Variants in KIT observed in about 807,000 individuals in gnomAD.
The protein encoded by KIT is KIT proto-oncogene, receptor tyrosine kinase.
Under a neutral mutation model 105.7 loss-of-function variants are expected in KIT, and 16 were observed. The ratio of observed to expected loss-of-function variants is 0.15; its 90% CI spans 0.10 to 0.23. The LOEUF (loss-of-function observed/expected upper bound fraction) is 0.23, where lower values mean the gene tolerates loss of function less well. Among genes scored for constraint, KIT ranks in the 10% least tolerant of loss-of-function variants. KIT has a pLI of 1.00. For synonymous variants in KIT, 438 were observed against 441.1 expected (o/e 0.99, Z 0.09); for missense variants, 858 against 1,213.8 (o/e 0.71, Z 4.36).
At chr4:54,658,641 T>G (rs1716998670) in intron 1 of KIT, among the ~76,000 whole-genome samples, 1 of 151,938 alleles carries the variant, frequency 6.6e-6, no homozygotes, top group African/African-American at 2.4e-5. Context: ...ACCGACCCGC[T>G]GCCGCCTCTG....
chr4:54,662,797 C>T (rs1171236664), intron 1 of KIT, among the ~76,000 whole-genome samples: 2 of 151,940 alleles, frequency 1.3e-5, no homozygotes, highest in Admixed American at 6.5e-5. Flanking sequence ...GGTCTCGAAC[C>T]CCTGACCTCA....
At chr4:54,690,825 T>C (rs1415710000) in intron 1 of KIT, among the ~76,000 whole-genome samples, 1 of 152,160 alleles carries the variant, frequency 6.6e-6, no homozygotes, top group Non-Finnish European at 1.5e-5. Context: ...ACTTTGTTTT[T>C]CAAAAATTGT....
intron 5 of KIT, among the ~76,000 whole-genome samples, chr4:54,705,266 G>A (rs550784637): frequency 1.3e-5 from 2 of 152,260 alleles, no homozygotes; most frequent in Admixed American, 1.3e-4. Flanking sequence ...AGGACTTGTG[G>A]CTGTGAAACC....
chr4:54,664,794 T>A (rs1717560996), intron 1 of KIT, among the ~76,000 whole-genome samples: 1 of 151,460 alleles, frequency 6.6e-6, no homozygotes, highest in African/African-American at 2.4e-5. Flanking sequence ...TCTATTTTTG[T>A]AGAGAATAGT....
intron 8 of KIT, 105 bp from the exon 9 acceptor site, chr4:54,725,752 T>C: frequency 9.4e-7 from 1 of 1,068,664 alleles, no homozygotes; most frequent in Non-Finnish European, 1.4e-6. Context: ...TTTCTGTTGA[T>C]TATGAACCTC....
chr4:54,717,086 TGG>T (rs1335940207), intron 7 of KIT, among the ~76,000 whole-genome samples: 1 of 152,212 alleles, frequency 6.6e-6, no homozygotes, highest in Non-Finnish European at 1.5e-5. Context: ...TCAAATTGCT[TGG>T]GAATTATGAA....
chr4:54,691,481 G>A lies in KIT; in HGVS notation c.68-4031G>A, dbSNP rs77793580. ...TTACACAAGACAAGATGTGTCCCAGGGACACAGGCAGAAGGGATGATGGGC... is the reference window on the plus strand; with the variant it reads ...TTACACAAGACAAGATGTGTCCCAGAGACACAGGCAGAAGGGATGATGGGC... On this transcript the variant is annotated intron_variant, in intron 1 of 20. Transcript: ENST00000288135. Among the ~76,000 whole-genome samples, 130 of 152,150 alleles carry A rather than the reference G, an allele frequency of 8.5e-4. 1 individual carries two copies. Among genetic ancestry groups the A allele is most frequent in the Non-Finnish European group, 1.6e-3 (107 of 68,008 alleles).
intron 7 of KIT, among the ~76,000 whole-genome samples, chr4:54,722,779 C>T (rs543555783): frequency 6.8e-6 from 1 of 147,790 alleles, no homozygotes; most frequent in Admixed American, 6.8e-5. Context: ...AGCATTTCTG[C>T]TGTTACAGTG....
intron 5 of KIT, among the ~76,000 whole-genome samples, chr4:54,706,491 G>C (rs1261036288): frequency 6.6e-6 from 1 of 151,732 alleles, no homozygotes; most frequent in Non-Finnish European, 1.5e-5. Context: ...ATTTAAATTT[G>C]TCTTCTATGA....
intron 1 of KIT, among the ~76,000 whole-genome samples, chr4:54,669,837 G>A (rs193124959): frequency 6.6e-6 from 1 of 152,276 alleles, no homozygotes; most frequent in Admixed American, 6.5e-5. Flanking sequence ...GAGGGTCAGA[G>A]GGTACCAGTT....
In KIT at chr4:54,738,403, A is replaced by G. The variant is rs762465372; in HGVS notation, c.2803-26A>G. On this transcript the variant is annotated intron_variant, in intron 20 of 20. Transcript: ENST00000288135. Reference sequence around the variant, plus strand: ...CTATGTTCGTTGTAGGGACTGCTGTATTGACTATGGGCTTGTTTTCTCCAG... The same window carrying G: ...CTATGTTCGTTGTAGGGACTGCTGTGTTGACTATGGGCTTGTTTTCTCCAG... 2.5e-5 allele frequency: 41 copies of G among 1,613,714 alleles called. No homozygotes were observed. In the South Asian group the frequency reaches 4.2e-4, roughly 16 times the overall value.
At position 54,695,695 on chromosome 4, in the gene KIT, C is replaced by T. The variant is rs201872586; in HGVS notation, c.251C>T (p.Thr84Met). Residue 84 changes from threonine to methionine, a missense_variant, in exon 2 of 21, where the codon ACG (threonine) becomes ATG (methionine). Coordinates refer to ENST00000288135, the MANE Select transcript of KIT (RefSeq NM_000222.3). ...GAGAATAAGCAGAATGAATGGATCACGGAAAAGGCAGAAGCCACCAACACC... is the reference window on the plus strand; with the variant it reads ...GAGAATAAGCAGAATGAATGGATCATGGAAAAGGCAGAAGCCACCAACACC... ...TNENKQNEWI[T>M]EKAEATNTGK... 7.1e-5 allele frequency: 115 copies of T among 1,614,196 alleles called. No homozygotes were observed. In the East Asian group the frequency reaches 2.2e-3, roughly 31 times the overall value.
intron 20 of KIT, among the ~76,000 whole-genome samples, chr4:54,737,851 C>CT (rs1189751355): frequency 6.6e-6 from 1 of 152,176 alleles, no homozygotes; most frequent in Non-Finnish European, 1.5e-5. Flanking sequence ...TATTTCCTCT[C>CT]TTTTTAAGCA....
At chr4:54,725,207 T>C (rs1577991108) in intron 8 of KIT, among the ~76,000 whole-genome samples, 1 of 152,004 alleles carries the variant, frequency 6.6e-6, no homozygotes, top group South Asian at 2.1e-4. Context: ...AGGGTTCAAG[T>C]GATTCTCCTG....
At chr4:54,676,575 C>G (rs926546546) in intron 1 of KIT, among the ~76,000 whole-genome samples, 1 of 152,118 alleles carries the variant, frequency 6.6e-6, no homozygotes, top group Admixed American at 6.5e-5. Flanking sequence ...GTAGAGGCTT[C>G]GAGAAACCTG....
intron 7 of KIT, among the ~76,000 whole-genome samples, chr4:54,719,405 C>T (rs1179270259): frequency 5.9e-5 from 9 of 152,126 alleles, no homozygotes; most frequent in African/African-American, 2.2e-4. Flanking sequence ...TTTCCAAGAT[C>T]ACAAATCTGT....
At position 54,674,267 on chromosome 4, in the gene KIT, G is replaced by A. The variant is rs1042067150; in HGVS notation, c.67+16186G>A. On this transcript the variant is annotated intron_variant, in intron 1 of 20. Transcript: ENST00000288135. ...CTTTGCCTTGGCTTGCTAATTCATA[G>A]GAGTCAGACCCCTCCCACTCCAGAA... is the stretch of plus-strand genomic sequence containing the variant. 4.6e-5 allele frequency among the ~76,000 whole-genome samples: 7 copies of A among 152,118 alleles called. No individual in the cohort carries two copies. The South Asian group carries it at 8.3e-4, about 18-fold the overall frequency.
At chr4:54,662,580 T>G (rs925943865) in intron 1 of KIT, among the ~76,000 whole-genome samples, 9 of 152,192 alleles carry the variant, frequency 5.9e-5, no homozygotes, top group African/African-American at 1.9e-4. Flanking sequence ...GCATTTTTTT[T>G]GTTTGTTTTA....
At position 54,729,416 on chromosome 4, in the gene KIT, G is replaced by C. The variant is rs35200131; in HGVS notation, c.2072G>C (p.Cys691Ser). The change falls in exon 14 of 21, where the codon TGT becomes TCT. Residue 691 changes from cysteine to serine, a missense_variant. Transcript: ENST00000288135. ...AGAAGAAAACGTGATTCATTTATTT[G>C]TTCAAAGCAGGAAGATCATGCAGAA... ...FLRRKRDSFICSKQEDHAEAA... is the reference protein window; with the variant it reads ...FLRRKRDSFISSKQEDHAEAA... 10 of 1,613,612 alleles carry C rather than the reference G, an allele frequency of 6.2e-6. No individual in the cohort carries two copies. Among genetic ancestry groups the C allele is most frequent in the Admixed American group, 1.7e-5 (1 of 59,958 alleles).
Sources: gnomAD v4.1 joint callset for allele counts (sites outside exome capture counted in the v4.1 genomes callset) on GRCh38, gnomAD v4.1.1 for gene constraint, MANE v1.5 for transcripts, NCBI Gene and HGNC (gene_info 2026-07-23, HGNC 2026-07-21) for gene names.